Variants in POT1 observed in about 807,000 individuals in gnomAD.
The protein encoded by POT1 is protection of telomeres 1.
In POT1, 47 loss-of-function variants were observed where a neutral mutation model predicts 78.5. The observed-to-expected ratio is 0.60, with a 90% confidence interval of 0.47 to 0.76. The LOEUF is 0.76. Among genes scored for constraint, POT1 ranks in the 30% least tolerant of loss-of-function variants. The pLI, the probability that POT1 is intolerant of heterozygous loss-of-function variation, is 0.00. For missense variants in POT1, 646 were observed against 749.9 expected (o/e 0.86, Z 1.62); for synonymous variants, 259 against 260.7 (o/e 0.99, Z 0.06).
intron 13 of POT1, among the ~76,000 whole-genome samples, chr7:124,842,040 TACTC>T (rs540930494): frequency 5.0e-4 from 76 of 152,120 alleles, no homozygotes; most frequent in Middle Eastern, 3.4e-3. Context: ...TGAACACAGA[TACTC>T]ACAATTTATA....
intron 7 of POT1, among the ~76,000 whole-genome samples, chr7:124,869,675 C>T (rs955298697): frequency 2.0e-5 from 3 of 152,086 alleles, no homozygotes; most frequent in East Asian, 1.9e-4. Flanking sequence ...CTCCGCCCTC[C>T]GGGTTCAAGC....
Position 124,867,081 on chromosome 7 carries a change from C to A in POT1, c.256-3441G>T, listed in dbSNP as rs142869720. Among the ~76,000 whole-genome samples, 376 of 152,274 alleles carry A rather than the reference C, an allele frequency of 2.5e-3. 1 individual carries two copies. Among genetic ancestry groups the A allele is most frequent in the African/African-American group, 8.8e-3 (367 of 41,558 alleles). ...TGCTGATTAACATAGTAAACCAGAACAATCTTCCAGCTTAGGTGTGTTGGT... is the reference window on the plus strand; with the variant it reads ...TGCTGATTAACATAGTAAACCAGAAAAATCTTCCAGCTTAGGTGTGTTGGT... On this transcript the variant is annotated intron_variant, in intron 7 of 18. Coordinates refer to ENST00000357628, the MANE Select transcript of POT1 (RefSeq NM_015450.3).
At chr7:124,903,476 T>G (rs1366551384) in intron 3 of POT1, among the ~76,000 whole-genome samples, 1 of 152,034 alleles carries the variant, frequency 6.6e-6, no homozygotes, top group African/African-American at 2.4e-5. Context: ...TTGAAACCAA[T>G]GAGAACAAAG....
chr7:124,862,896 AATGCTTCAAAACTGTCCATGGTATGACT>A (rs2116539530), intron 8 of POT1, among the ~76,000 whole-genome samples: 1 of 152,258 alleles, frequency 6.6e-6, no homozygotes, highest in Admixed American at 6.5e-5. Flanking sequence ...AGTAATGCAA[AATGCTTCAAAACTGTCCATGGTATGACT>A]ATGAAGTAGG....
At chr7:124,876,878 C>G (rs1796002136) in intron 6 of POT1, among the ~76,000 whole-genome samples, 1 of 152,056 alleles carries the variant, frequency 6.6e-6, no homozygotes, top group South Asian at 2.1e-4. Context: ...ATTCTGTACC[C>G]CAGGCAAAAA....
intron 11 of POT1, among the ~76,000 whole-genome samples, chr7:124,850,655 C>T (rs145984221): frequency 0.016 from 2,388 of 151,860 alleles, 30 homozygotes; most frequent in Middle Eastern, 0.041. Context: ...GCCCTGAACC[C>T]GGGAGGCGGA....
chr7:124,860,743 G>A lies in POT1; in HGVS notation c.547-1631C>T, dbSNP rs558432485. Among the ~76,000 whole-genome samples, 17 of 152,088 alleles carry A rather than the reference G, an allele frequency of 1.1e-4. No homozygotes were observed. The South Asian group carries it at 2.1e-3, about 19-fold the overall frequency. On this transcript the variant is annotated intron_variant, in intron 8 of 18. Transcript: ENST00000357628. ...ATCTACGTTAGGTATTTCTCCTAAC[G>A]CTATCTCTCCCCCAGCCCCCTACCC...
At chr7:124,856,693 G>C in intron 9 of POT1, among the ~76,000 whole-genome samples, 1 of 152,132 alleles carries the variant, frequency 6.6e-6, no homozygotes, top group East Asian at 1.9e-4. Flanking sequence ...TTTGGAAGCA[G>C]TATAGGGAAA....
chr7:124,832,033 C>A (rs370872059), intron 15 of POT1, among the ~76,000 whole-genome samples: 1 of 146,248 alleles, frequency 6.8e-6, no homozygotes, highest in East Asian at 2.0e-4. Flanking sequence ...GTTTGGAGGC[C>A]AAGGTAGGCA....
intron 3 of POT1, among the ~76,000 whole-genome samples, chr7:124,908,725 A>G (rs1052892880): frequency 1.3e-5 from 2 of 151,990 alleles, no homozygotes; most frequent in African/African-American, 2.4e-5. Context: ...ATTCACTGCT[A>G]TATCTCCAAC....
chr7:124,853,468 T>C (rs1795367724), intron 9 of POT1: 1 of 166,242 alleles, frequency 6.0e-6, no homozygotes, highest in African/African-American at 2.4e-5. Context: ...ATATAATGGT[T>C]AAGAAACCCA....
chr7:124,925,194 G>A lies in POT1; in HGVS notation c.-227+3621C>T, dbSNP rs1031131415. ...AATTATCATAGTTGGCTAATGATAT[G>A]ATCTTGTATACAGAAAGCCCTCAAG... On this transcript the variant is annotated intron_variant, in intron 2 of 18. Transcript: ENST00000357628. Among the ~76,000 whole-genome samples, 30 of 152,160 alleles carry A rather than the reference G, an allele frequency of 2.0e-4. 1 individual carries two copies. The highest frequency in any genetic ancestry group is 3.4e-3 in the Middle Eastern group (1 of 294).
In POT1 at chr7:124,921,190, T is replaced by C. The variant is rs574868594; in HGVS notation, c.-226-5544A>G. Among the ~76,000 whole-genome samples, 20 of 152,252 alleles carry C rather than the reference T, an allele frequency of 1.3e-4. No individual in the cohort carries two copies. In the South Asian group the frequency reaches 4.1e-3, roughly 32 times the overall value. On this transcript the variant is annotated intron_variant, in intron 2 of 18. Coordinates refer to ENST00000357628, the MANE Select transcript of POT1 (RefSeq NM_015450.3). ...AAAATAAGAACTTAGCAAACTGTCA[T>C]AGTATTTAACATTTCTATATCAAGC... is the stretch of plus-strand genomic sequence containing the variant.
chr7:124,912,361 G>C (rs1649961658), intron 3 of POT1, among the ~76,000 whole-genome samples: 1 of 151,980 alleles, frequency 6.6e-6, no homozygotes, highest in African/African-American at 2.4e-5. Context: ...TCACACTGCA[G>C]AACCTTTGTA....
At chr7:124,896,306 G>A (rs751661267) in intron 5 of POT1, among the ~76,000 whole-genome samples, 29 of 151,428 alleles carry the variant, frequency 1.9e-4, no homozygotes, top group African/African-American at 1.5e-4. Flanking sequence ...ATTTATTCCC[G>A]CCTTATTTAC....
At chr7:124,830,803 C>CAAAAA (rs1794741274) in intron 15 of POT1, among the ~76,000 whole-genome samples, 1 of 151,708 alleles carries the variant, frequency 6.6e-6, no homozygotes, top group Non-Finnish European at 1.5e-5. Context: ...AATTACCAAA[C>CAAAAA]AAAAATTTTA....
At position 124,878,613 on chromosome 7, in the gene POT1, A is replaced by G. The variant is rs1472325476; in HGVS notation, c.125-7572T>C. 2.0e-5 allele frequency among the ~76,000 whole-genome samples: 3 copies of G among 152,168 alleles called. No homozygotes were observed. In the East Asian group the frequency reaches 5.8e-4, roughly 29 times the overall value. On this transcript the variant is annotated intron_variant, in intron 6 of 18. Coordinates refer to ENST00000357628, the MANE Select transcript of POT1 (RefSeq NM_015450.3). The stretch of plus-strand genomic sequence containing the variant: ...CAATATGTATTTGTTTGCCAATTTA[A>G]AATAAAAATTTAAATTAAAACAATA...
At chr7:124,868,612 T>C (rs1795789072) in intron 7 of POT1, among the ~76,000 whole-genome samples, 1 of 150,710 alleles carries the variant, frequency 6.6e-6, no homozygotes, top group South Asian at 2.1e-4. Flanking sequence ...ACCACCACAA[T>C]AAACAATAGT....
At chr7:124,875,795 C>A (rs1458324214) in intron 6 of POT1, among the ~76,000 whole-genome samples, 4 of 152,156 alleles carry the variant, frequency 2.6e-5, no homozygotes, top group Admixed American at 2.6e-4. Flanking sequence ...TCCAGTAAGT[C>A]ATTCAACAAA....
Sources: gnomAD v4.1 joint callset for allele counts (sites outside exome capture counted in the v4.1 genomes callset) on GRCh38, gnomAD v4.1.1 for gene constraint, MANE v1.5 for transcripts, NCBI Gene and HGNC (gene_info 2026-07-23, HGNC 2026-07-21) for gene names.